Variants in PCSK6 observed in about 807,000 individuals in gnomAD.
The protein encoded by PCSK6 is paired basic amino acid cleaving enzyme 4.
A neutral mutation model predicts 123.3 loss-of-function variants in PCSK6; 85 were observed. That is an observed-to-expected ratio of 0.69 (90% confidence interval 0.58 to 0.83). The LOEUF is 0.83. Among genes scored for constraint, PCSK6 ranks in the 40% least tolerant of loss-of-function variants. PCSK6 has a pLI of 0.00. For missense variants in PCSK6, 1,191 were observed against 1,282.3 expected, an observed-to-expected ratio of 0.93 and a Z score of 1.09; for synonymous variants, 508 against 516.0, an observed-to-expected ratio of 0.98 and a Z score of 0.21.
chr15:101,408,160 C>T (rs4965847), intron 6 of PCSK6, among the ~76,000 whole-genome samples: 17,998 of 152,244 alleles, frequency 0.12, 1,334 homozygotes, highest in South Asian at 0.25. Flanking sequence ...CACGCAAGTA[C>T]GGCAAGGAAC....
At chr15:101,319,777 T>A (rs554401538) in intron 18 of PCSK6, among the ~76,000 whole-genome samples, 1 of 152,198 alleles carries the variant, frequency 6.6e-6, no homozygotes, top group Admixed American at 6.5e-5. Flanking sequence ...CCCAGCCCCA[T>A]AGGGATGGAA....
intron 4 of PCSK6, among the ~76,000 whole-genome samples, chr15:101,431,016 C>T (rs141529837): frequency 5.9e-5 from 9 of 152,174 alleles, no homozygotes; most frequent in South Asian, 2.1e-4. Flanking sequence ...TGTCACTGTT[C>T]GTGTTGCTAC....
chr15:101,473,463 C>T (rs1444450299), intron 1 of PCSK6, among the ~76,000 whole-genome samples: 4 of 152,174 alleles, frequency 2.6e-5, no homozygotes, highest in East Asian at 3.8e-4. Context: ...GGTTTTCTAA[C>T]GTTTTCTGAT....
intron 1 of PCSK6, among the ~76,000 whole-genome samples, chr15:101,451,951 A>AAG (rs2057047431): frequency 6.6e-6 from 1 of 151,854 alleles, no homozygotes; most frequent in African/African-American, 2.4e-5. Context: ...GAAGTCCAGA[A>AAG]AGAGAGAGAG....
Position 101,398,662 on chromosome 15 carries a change from G to A in PCSK6, c.824-86C>T, listed in dbSNP as rs935150491. 1 of 1,429,884 alleles carries A rather than the reference G, an allele frequency of 7.0e-7. No homozygotes were observed. The highest frequency in any genetic ancestry group is 1.3e-5 in the South Asian group (1 of 78,524). 88.6% of individuals were successfully genotyped at this position (1,429,884 alleles called of 1,614,324 possible). A position where few individuals can be genotyped will look rare whatever the true frequency, so the allele number is the denominator to read the frequency against. ...CCCGGGCCCAGGAGGCTCGGATGAGGACACCGCATCACAGAGTCCCTCCCC... is the reference window on the plus strand; with the variant it reads ...CCCGGGCCCAGGAGGCTCGGATGAGAACACCGCATCACAGAGTCCCTCCCC... On this transcript the variant is annotated intron_variant, in intron 6 of 21. Coordinates refer to ENST00000611716, the MANE Select transcript of PCSK6 (RefSeq NM_002570.5). This position sits in a 1 kb window ranked among gnomAD's most constrained non-coding sequence, Gnocchi z 4.6.
intron 18 of PCSK6, among the ~76,000 whole-genome samples, chr15:101,321,858 T>C (rs763976380): frequency 6.6e-6 from 1 of 152,202 alleles, no homozygotes. Context: ...TATGGGAGTG[T>C]CCCCCAAAAA....
At chr15:101,451,602 G>A (rs1416073460) in intron 1 of PCSK6, among the ~76,000 whole-genome samples, 1 of 152,152 alleles carries the variant, frequency 6.6e-6, no homozygotes, top group East Asian at 1.9e-4. Context: ...GCCCTTGGCT[G>A]GAAACAGATG....
intron 1 of PCSK6, among the ~76,000 whole-genome samples, chr15:101,481,656 G>C (rs915280137): frequency 1.3e-5 from 2 of 152,168 alleles, no homozygotes; most frequent in African/African-American, 4.8e-5. Context: ...AGACAGGCTT[G>C]GGGGAGCACG....
At chr15:101,374,845 T>C (rs2041686959) in intron 11 of PCSK6, among the ~76,000 whole-genome samples, 1 of 152,234 alleles carries the variant, frequency 6.6e-6, no homozygotes, top group African/African-American at 2.4e-5. Flanking sequence ...TGTTCCAGGA[T>C]GCACGCTCTC....
At chr15:101,358,185 A>G (rs1263862708) in intron 13 of PCSK6, among the ~76,000 whole-genome samples, 1 of 152,176 alleles carries the variant, frequency 6.6e-6, no homozygotes, top group East Asian at 1.9e-4. Context: ...CCCTGGGGGT[A>G]GGCGGAGTAA....
At chr15:101,330,501 G>A (rs941868128) in intron 15 of PCSK6, among the ~76,000 whole-genome samples, 3 of 152,246 alleles carry the variant, frequency 2.0e-5, no homozygotes, top group East Asian at 1.9e-4. Flanking sequence ...CTCTGGCACC[G>A]TCTGGTTCTC....
rs770815227 is a variant in PCSK6 at position 101,430,080 on chromosome 15, T to C, written c.658-17A>G. On this transcript the variant is annotated splice_polypyrimidine_tract_variant and intron_variant, in intron 4 of 21. Coordinates refer to ENST00000611716, the MANE Select transcript of PCSK6 (RefSeq NM_002570.5). ...GTAGGAATCCTAAGAAATGGAATCG[T>C]GGTGAGTGAGGAGAAATGGCATGTG... 7 of 1,609,642 alleles carry C rather than the reference T, an allele frequency of 4.3e-6. No individual in the cohort carries two copies. Among genetic ancestry groups the C allele is most frequent in the Non-Finnish European group, 5.1e-6 (6 of 1,176,018 alleles).
chr15:101,459,279 C>G (rs1228870627), intron 1 of PCSK6, among the ~76,000 whole-genome samples: 1 of 152,204 alleles, frequency 6.6e-6, no homozygotes, highest in Non-Finnish European at 1.5e-5. Flanking sequence ...CTGGCTTCCT[C>G]CATCCTGTTG....
At chr15:101,410,843 C>T (rs931534504) in intron 6 of PCSK6, among the ~76,000 whole-genome samples, 8 of 152,168 alleles carry the variant, frequency 5.3e-5, no homozygotes, top group African/African-American at 7.2e-5. Context: ...TGTTAGTCTC[C>T]CCTGGTGGGA....
chr15:101,370,277 T>C, intron 12 of PCSK6, 58 bp downstream of exon 12: 1 of 1,377,954 alleles, frequency 7.3e-7, no homozygotes, highest in Non-Finnish European at 9.6e-7. Context: ...ACAGAAGCTC[T>C]TGTGCAGGGT....
At chr15:101,322,680 C>T (rs1012499372) in intron 17 of PCSK6, 73 bp from the exon 18 acceptor site, 2 of 956,210 alleles carry the variant, frequency 2.1e-6, no homozygotes, top group Non-Finnish European at 3.3e-6. Flanking sequence ...CAAGCAGGCC[C>T]CCGGCATTTC....
intron 6 of PCSK6, among the ~76,000 whole-genome samples, chr15:101,414,359 A>C (rs1311111886): frequency 2.0e-5 from 3 of 152,222 alleles, no homozygotes; most frequent in Admixed American, 1.3e-4. Flanking sequence ...TCACATACAA[A>C]GATGTAAGAA....
chr15:101,475,077 C>T (rs143320193), intron 1 of PCSK6, among the ~76,000 whole-genome samples: 23 of 152,360 alleles, frequency 1.5e-4, no homozygotes, highest in African/African-American at 5.5e-4. Context: ...CAAAGGCTTC[C>T]CTGAATCCCC....
rs555802548 is a variant in PCSK6, at chr15:101,482,565, C to T, written c.297+6809G>A. On this transcript the variant is annotated intron_variant, in intron 1 of 21. Coordinates refer to ENST00000611716, the MANE Select transcript of PCSK6 (RefSeq NM_002570.5). ...CAAAAAAGCTCAGGACGTTCCCAGC[C>T]GGCATGCAGTTGGCGGACACTGGAG... Among the ~76,000 whole-genome samples the T allele has an allele frequency of 5.3e-5, 8 of 152,260 alleles. No individual in the cohort carries two copies. In the South Asian group the frequency reaches 1.2e-3, roughly 24 times the overall value.
Sources: gnomAD v4.1 joint callset for allele counts (sites outside exome capture counted in the v4.1 genomes callset) on GRCh38, gnomAD v4.1.1 for gene constraint, Gnocchi (gnomAD v3.1) non-coding constraint, MANE v1.5 for transcripts, NCBI Gene and HGNC (gene_info 2026-07-23, HGNC 2026-07-21) for gene names.